Variants in MICAL2 observed in about 807,000 individuals in gnomAD.
MICAL2 encodes [F-actin]-monooxygenase MICAL2.
A neutral mutation model predicts 127.3 loss-of-function variants in MICAL2; 77 were observed. The ratio of observed to expected loss-of-function variants is 0.60; its 90% CI spans 0.50 to 0.73. The LOEUF (loss-of-function observed/expected upper bound fraction) is 0.73. Ranked by LOEUF, MICAL2 falls within the 30% of genes least tolerant of loss-of-function variation. The pLI is 0.00. For synonymous variants in MICAL2, 570 were observed against 551.1 expected, an observed-to-expected ratio of 1.03 and a Z score of -0.48; for missense variants, 1,351 against 1,434.4, an observed-to-expected ratio of 0.94 and a Z score of 0.94.
Position 12,208,069 on chromosome 11 carries a change from G to A in MICAL2, c.519G>A (p.Leu173=), listed in dbSNP as rs752942776. The A allele has an allele frequency of 1.2e-6, 2 of 1,614,074 alleles. No homozygotes were observed. Among genetic ancestry groups the A allele is most frequent in the Admixed American group, 1.7e-5 (1 of 59,998 alleles). The change falls in exon 5 of 28, where the codon CTG becomes CTA. Residue 173 remains leucine (L), a synonymous_variant. Transcript: ENST00000683283. The part of the protein sequence containing the change: ...QLILFKVALM[L]GVEIHVNVEF... ...TCCTATTCAAGGTGGCCCTGATGCTGGGAGTTGAAATCCATGTGAATGTGG... is the reference window on the plus strand; with the variant it reads ...TCCTATTCAAGGTGGCCCTGATGCTAGGAGTTGAAATCCATGTGAATGTGG...
chr11:12,162,961 A>T (rs1392383153), intron 3 of MICAL2, among the ~76,000 whole-genome samples: 1 of 152,126 alleles, frequency 6.6e-6, no homozygotes, highest in African/African-American at 2.4e-5. Flanking sequence ...TTTTAGAAAG[A>T]TCCCCTGGTT....
intron 33 of MICAL2, among the ~76,000 whole-genome samples, chr11:12,353,820 A>G (rs1442515106): frequency 6.6e-6 from 1 of 152,260 alleles, no homozygotes; most frequent in Non-Finnish European, 1.5e-5. Flanking sequence ...GAGTTGCCTG[A>G]GTTTTAAGTC....
At chr11:12,169,682 T>C (rs182902141) in intron 3 of MICAL2, among the ~76,000 whole-genome samples, 1 of 152,348 alleles carries the variant, frequency 6.6e-6, no homozygotes, top group African/African-American at 2.4e-5. Context: ...CCACACCGTC[T>C]ATAGCACAAT....
At chr11:12,147,751 T>C (rs559374969) in intron 2 of MICAL2, among the ~76,000 whole-genome samples, 18 of 152,336 alleles carry the variant, frequency 1.2e-4, no homozygotes, top group Non-Finnish European at 1.8e-4. Context: ...AGTCACAATA[T>C]AGGTTCTCAG....
chr11:12,315,485 T>C (rs1006318981), intron 29 of MICAL2, among the ~76,000 whole-genome samples: 1 of 152,198 alleles, frequency 6.6e-6, no homozygotes, highest in Non-Finnish European at 1.5e-5. Flanking sequence ...ATTTCTTTTT[T>C]TGACCTATGG....
chr11:12,135,860 C>T (rs997315534), intron 1 of MICAL2, among the ~76,000 whole-genome samples: 4 of 152,302 alleles, frequency 2.6e-5, no homozygotes, highest in South Asian at 2.1e-4. Context: ...GCTGAGGGGT[C>T]GGCTGTGAGG....
At chr11:12,155,066 C>A (rs568628739) in intron 2 of MICAL2, among the ~76,000 whole-genome samples, 102 of 152,256 alleles carry the variant, frequency 6.7e-4, no homozygotes, top group African/African-American at 2.3e-3. Flanking sequence ...CTGTGAGTGC[C>A]CGCTGTCAGT....
chr11:12,177,472 T>C (rs955995913), intron 3 of MICAL2, among the ~76,000 whole-genome samples: 2 of 152,236 alleles, frequency 1.3e-5, no homozygotes, highest in Admixed American at 6.5e-5. Context: ...TTGATAGTGT[T>C]CTTTGTTGCA....
chr11:12,351,860 G>A (rs1025756811), intron 33 of MICAL2, among the ~76,000 whole-genome samples: 3 of 150,116 alleles, frequency 2.0e-5, no homozygotes, highest in East Asian at 2.0e-4. Context: ...GTGTGATCTC[G>A]GCTCACTGCA....
intron 19 of MICAL2, 97 bp from the exon 20 acceptor site, chr11:12,242,574 G>GCC (rs913252619): frequency 3.5e-6 from 5 of 1,429,598 alleles, no homozygotes; most frequent in African/African-American, 1.4e-5. Flanking sequence ...AGCAGGCAAG[G>GCC]CCCCCGGCTG....
chr11:12,179,085 A>G (rs1857152113), intron 3 of MICAL2, among the ~76,000 whole-genome samples: 1 of 152,086 alleles, frequency 6.6e-6, no homozygotes, highest in Non-Finnish European at 1.5e-5. Context: ...AGCACGGCTC[A>G]GATTGTGACT....
At chr11:12,290,953 C>T (rs1326790330), downstream of MICAL2, among the ~76,000 whole-genome samples, 1 of 152,164 alleles carries the variant, frequency 6.6e-6, no homozygotes, top group Non-Finnish European at 1.5e-5. Flanking sequence ...GAGCTTTTCA[C>T]TCAGAGCTTT....
intron 32 of MICAL2, among the ~76,000 whole-genome samples, chr11:12,329,130 A>C (rs1181051083): frequency 6.6e-6 from 1 of 152,240 alleles, no homozygotes. Context: ...CCTGGCATGG[A>C]GCAGATGATT....
downstream of MICAL2, among the ~76,000 whole-genome samples, chr11:12,359,834 C>T (rs905487390): frequency 3.9e-5 from 6 of 152,150 alleles, no homozygotes; most frequent in Non-Finnish European, 8.8e-5. Flanking sequence ...GCTCTCATTT[C>T]GGCAAGTGTT....
intron 34 of MICAL2, among the ~76,000 whole-genome samples, chr11:12,357,737 C>T (rs1346248449): frequency 6.6e-6 from 1 of 152,054 alleles, no homozygotes; most frequent in African/African-American, 2.4e-5. Flanking sequence ...ACTCAGGAGG[C>T]TGAGGCAGGA....
chr11:12,183,903 C>T (rs928975735), intron 3 of MICAL2, among the ~76,000 whole-genome samples: 3 of 152,110 alleles, frequency 2.0e-5, no homozygotes, highest in Non-Finnish European at 4.4e-5. Context: ...CCTCAGCCTC[C>T]CGAGTAGCTG....
At chr11:12,333,150 G>A (rs543202779) in intron 32 of MICAL2, among the ~76,000 whole-genome samples, 1 of 152,038 alleles carries the variant, frequency 6.6e-6, no homozygotes, top group South Asian at 2.1e-4. Context: ...AAATGGAAAG[G>A]GCAGATGCAA....
intron 12 of MICAL2, 56 bp from the exon 13 acceptor site, chr11:12,224,617 G>C: frequency 1.9e-6 from 3 of 1,584,534 alleles, no homozygotes; most frequent in Non-Finnish European, 8.6e-7. Flanking sequence ...GGAGCGCCAG[G>C]GCAGACCGTG....
chr11:12,171,245 C>T (rs1856219230), intron 3 of MICAL2, among the ~76,000 whole-genome samples: 1 of 152,128 alleles, frequency 6.6e-6, no homozygotes, highest in African/African-American at 2.4e-5. Context: ...AAAGAAAACC[C>T]TCTTGCAGCT....
Sources: allele counts gnomAD v4.1 joint callset (sites outside exome capture counted in the v4.1 genomes callset), GRCh38; gene constraint gnomAD v4.1.1; transcripts MANE v1.5; gene names NCBI Gene and HGNC (gene_info 2026-07-23, HGNC 2026-07-21).